Variants in MAML2 observed in about 807,000 individuals in gnomAD.
MAML2 encodes mastermind-like protein 2.
MAML2 carries 22 observed loss-of-function variants against 96.1 expected under a neutral mutation model. That is an observed-to-expected ratio of 0.23 (90% CI 0.16 to 0.33). The LOEUF (loss-of-function observed/expected upper bound fraction) is 0.33, where lower values mean the gene tolerates loss of function less well. MAML2 is among the 10% of genes least tolerant of loss of function. The probability of loss-of-function intolerance (pLI) is 1.00; values close to 1 mark genes in which losing one functional copy is unlikely to be tolerated. For synonymous variants in MAML2, 561 were observed against 521.3 expected (o/e 1.08, Z -1.04); for missense variants, 1,367 against 1,392.4 (o/e 0.98, Z 0.29).
chr11:96,232,595 G>A (rs1862310395), intron 1 of MAML2, among the ~76,000 whole-genome samples: 3 of 152,036 alleles, frequency 2.0e-5, no homozygotes, highest in East Asian at 1.9e-4. Context: ...TCAGCCTCCC[G>A]AGTAGCTGGG....
Position 96,084,287 on chromosome 11 carries a change from G to T in MAML2, c.2139+7605C>A, listed in dbSNP as rs1057282447. On this transcript the variant is annotated intron_variant, in intron 2 of 4. Coordinates refer to ENST00000524717, the MANE Select transcript of MAML2 (RefSeq NM_032427.4). ...TGGACTTTCTCCTGAGAAAATGAAGGCCATTTAAAGGTTTTATGCAGGTGA... is the reference window on the plus strand; with the variant it reads ...TGGACTTTCTCCTGAGAAAATGAAGTCCATTTAAAGGTTTTATGCAGGTGA... Among the ~76,000 whole-genome samples, 11 of 152,066 alleles carry T rather than the reference G, an allele frequency of 7.2e-5. No individual in the cohort carries two copies. In the East Asian group the frequency reaches 7.7e-4, roughly 11 times the overall value.
chr11:96,180,506 C>T (rs1048597699), intron 1 of MAML2, among the ~76,000 whole-genome samples: 1 of 152,192 alleles, frequency 6.6e-6, no homozygotes, highest in African/African-American at 2.4e-5. Context: ...TGGCTGACTG[C>T]TCAAGTTAAG....
intron 1 of MAML2, among the ~76,000 whole-genome samples, chr11:96,285,558 T>C (rs1431134836): frequency 6.6e-6 from 1 of 152,034 alleles, no homozygotes; most frequent in Non-Finnish European, 1.5e-5. Context: ...TGGAAGACAA[T>C]TTTTGCAATC....
chr11:96,282,165 C>T (rs1352826362), intron 1 of MAML2, among the ~76,000 whole-genome samples: 4 of 151,402 alleles, frequency 2.6e-5, no homozygotes, highest in Non-Finnish European at 5.9e-5. Context: ...AGGAGAATGG[C>T]GTGAACCCGG....
rs542880452 is a variant in MAML2, at chr11:96,201,079, G to A, written c.514-107562C>T. On this transcript the variant is annotated intron_variant, in intron 1 of 4. Coordinates refer to ENST00000524717, the MANE Select transcript of MAML2 (RefSeq NM_032427.4). Reference sequence around the variant, plus strand: ...AAAAAGTCTCATTTACTTAGGCCACGAAATCTGAAATACATTGTAAGGGAT... The same window carrying A: ...AAAAAGTCTCATTTACTTAGGCCACAAAATCTGAAATACATTGTAAGGGAT... Among the ~76,000 whole-genome samples the A allele has an allele frequency of 7.2e-5, 11 of 152,230 alleles. 1 individual carries two copies. In the East Asian group the frequency reaches 1.2e-3, roughly 16 times the overall value.
At chr11:96,101,068 G>T (rs1449495632) in intron 1 of MAML2, among the ~76,000 whole-genome samples, 1 of 152,064 alleles carries the variant, frequency 6.6e-6, no homozygotes, top group Non-Finnish European at 1.5e-5. Context: ...TCTTTATGAA[G>T]CCCAAGATAA....
intron 1 of MAML2, among the ~76,000 whole-genome samples, chr11:96,126,026 G>A (rs999943316): frequency 1.3e-5 from 2 of 152,164 alleles, no homozygotes; most frequent in Non-Finnish European, 2.9e-5. Flanking sequence ...TTCAAGTGGA[G>A]CCTTTCCTGG....
chr11:95,988,113 A>ATGTGTGTGTG (rs141507951), intron 3 of MAML2, among the ~76,000 whole-genome samples: 1,680 of 145,450 alleles, frequency 0.012, 24 homozygotes, highest in African/African-American at 0.029. Flanking sequence ...TGAAGACAGG[A>ATGTGTGTGTG]TGTGTGTGTG....
chr11:96,298,764 C>T (rs978955351), intron 1 of MAML2, among the ~76,000 whole-genome samples: 3 of 146,190 alleles, frequency 2.1e-5, no homozygotes, highest in East Asian at 2.0e-4. Context: ...ATTTCTAGGC[C>T]GGGCGCAGTG....
rs116404720 is a variant in MAML2, at chr11:96,339,536, C to A, written c.513+1847G>T. 3.3e-5 allele frequency among the ~76,000 whole-genome samples: 5 copies of A among 152,192 alleles called. No individual in the cohort carries two copies. In the East Asian group the frequency reaches 5.8e-4, roughly 18 times the overall value. On this transcript the variant is annotated intron_variant, in intron 1 of 4. Coordinates refer to ENST00000524717, the MANE Select transcript of MAML2 (RefSeq NM_032427.4). ...AAGGGAAGCCCACTGTGGCTCTTCA[C>A]GGCCCCGCTCCGGCCTTGACACCCC...
At chr11:96,158,771 G>A (rs535603201) in intron 1 of MAML2, among the ~76,000 whole-genome samples, 1 of 152,104 alleles carries the variant, frequency 6.6e-6, no homozygotes, top group African/African-American at 2.4e-5. Flanking sequence ...CCAAATGCCT[G>A]GGTAAAGATA....
At chr11:96,059,240 T>C (rs1479191159) in intron 2 of MAML2, among the ~76,000 whole-genome samples, 1 of 152,226 alleles carries the variant, frequency 6.6e-6, no homozygotes, top group Non-Finnish European at 1.5e-5. Context: ...TCTGCAAAAC[T>C]ATGACTTAAA....
intron 1 of MAML2, among the ~76,000 whole-genome samples, chr11:96,223,580 T>A (rs190039608): frequency 1.1e-4 from 17 of 152,252 alleles, no homozygotes; most frequent in African/African-American, 4.1e-4. Flanking sequence ...TCATTTTTTT[T>A]AACTTTTATT....
chr11:96,269,754 A>G lies in MAML2; in HGVS notation c.513+71629T>C, dbSNP rs114048501. On this transcript the variant is annotated intron_variant, in intron 1 of 4. Coordinates refer to ENST00000524717, the MANE Select transcript of MAML2 (RefSeq NM_032427.4). ...TCAAACTCCTGACGTCAAGCGATCT[A>G]CATGCCTTGGCCTCCCAAAGTGTTG... 9.6e-3 allele frequency among the ~76,000 whole-genome samples: 1,383 copies of G among 143,820 alleles called. 251 individuals carry two copies. Among genetic ancestry groups the G allele is most frequent in the African/African-American group, 0.035 (1,307 of 37,358 alleles). 94.4% of individuals were successfully genotyped at this position (143,820 alleles called of 152,430 possible). A position where few individuals can be genotyped will look rare whatever the true frequency, so the allele number is the denominator to read the frequency against.
chr11:96,115,765 AGGATGGTC>A (rs1187725372), intron 1 of MAML2, among the ~76,000 whole-genome samples: 1 of 152,178 alleles, frequency 6.6e-6, no homozygotes, highest in Non-Finnish European at 1.5e-5. Flanking sequence ...TCTGTTTTAT[AGGATGGTC>A]GGTGATAGTG....
chr11:96,110,427 A>G (rs926122410), intron 1 of MAML2, among the ~76,000 whole-genome samples: 4 of 152,218 alleles, frequency 2.6e-5, no homozygotes, highest in Non-Finnish European at 4.4e-5. Flanking sequence ...TAGTCTTCCA[A>G]ATTTTCCTCC....
chr11:96,009,539 A>C (rs4144614), intron 2 of MAML2, among the ~76,000 whole-genome samples: 59,389 of 152,072 alleles, frequency 0.39, 11,760 homozygotes, highest in South Asian at 0.55. Flanking sequence ...AGGAGAGACT[A>C]TTGGTATGTG....
chr11:96,184,439 C>CAAATAAATAAATAAAT (rs139760069), intron 1 of MAML2, among the ~76,000 whole-genome samples: 2 of 145,178 alleles, frequency 1.4e-5, no homozygotes, highest in African/African-American at 5.1e-5. Context: ...GACTCCATCT[C>CAAATAAATAAATAAAT]AAATAAATAA....
chr11:96,274,303 C>G (rs923375628), intron 1 of MAML2, among the ~76,000 whole-genome samples: 1 of 151,980 alleles, frequency 6.6e-6, no homozygotes, highest in Non-Finnish European at 1.5e-5. Flanking sequence ...AGGATGGTCT[C>G]GATCTCCTGA....
Sources: allele counts gnomAD v4.1 joint callset (sites outside exome capture counted in the v4.1 genomes callset), GRCh38; gene constraint gnomAD v4.1.1; transcripts MANE v1.5; gene names NCBI Gene and HGNC (gene_info 2026-07-23, HGNC 2026-07-21).